Variants in GPC5 observed in about 807,000 individuals in gnomAD.
GPC5 encodes the protein glypican-5.
In GPC5, 47 loss-of-function variants were observed where a neutral mutation model predicts 53.9. That is an observed-to-expected ratio of 0.87 (90% CI 0.69 to 1.11). The LOEUF (loss-of-function observed/expected upper bound fraction) is 1.11, where lower values mean the gene tolerates loss of function less well. Ranked by LOEUF, GPC5 falls within the 50% of genes most tolerant of loss-of-function variation. The probability of loss-of-function intolerance (pLI) is 0.00; values close to 1 mark genes in which losing one functional copy is unlikely to be tolerated. For synonymous variants in GPC5, 286 were observed against 263.3 expected, an observed-to-expected ratio of 1.09 and a Z score of -0.84; for missense variants, 748 against 713.1, an observed-to-expected ratio of 1.05 and a Z score of -0.56.
chr13:92,814,033 A>G (rs1253992309), intron 7 of GPC5, among the ~76,000 whole-genome samples: 1 of 152,048 alleles, frequency 6.6e-6, no homozygotes, highest in East Asian at 1.9e-4. Context: ...CAAGACAGAC[A>G]TGTGGATGAA....
At chr13:92,593,870 A>G (rs1365297142) in intron 7 of GPC5, among the ~76,000 whole-genome samples, 1 of 152,230 alleles carries the variant, frequency 6.6e-6, no homozygotes, top group African/African-American at 2.4e-5. Flanking sequence ...GTCTGATTGG[A>G]GAGGATTAAA....
chr13:92,153,582 A>T (rs574513332), intron 7 of GPC5, among the ~76,000 whole-genome samples: 1 of 152,340 alleles, frequency 6.6e-6, no homozygotes, highest in Admixed American at 6.5e-5. Context: ...ACCATCTGGA[A>T]AGTATCTCTT....
intron 2 of GPC5, among the ~76,000 whole-genome samples, chr13:91,590,739 C>T (rs1232677980): frequency 6.6e-6 from 1 of 152,218 alleles, no homozygotes; most frequent in Non-Finnish European, 1.5e-5. Context: ...GAACTTACTA[C>T]TTCTTTCCCT....
At chr13:92,799,837 A>C (rs887706158) in intron 7 of GPC5, among the ~76,000 whole-genome samples, 17 of 151,774 alleles carry the variant, frequency 1.1e-4, no homozygotes, top group African/African-American at 3.9e-4. Context: ...ATAAATGTGC[A>C]TCCAAATAAT....
chr13:91,448,786 C>T lies in GPC5; in HGVS notation c.189C>T (p.Ser63=). Residue 63 remains serine (S), a synonymous_variant, in exon 2 of 8, where the codon TCC becomes TCT. Transcript: ENST00000377067. ...GACCTGATCTTCAGGTTTGCATATC[C>T]AAAAAGCCTACATGTTGCACCAGGA... The part of the protein sequence containing the change: ...RAGPDLQVCI[S]KKPTCCTRKM... 2 of 1,613,096 alleles carry T rather than the reference C, an allele frequency of 1.2e-6. No individual in the cohort carries two copies. The highest frequency in any genetic ancestry group is 1.1e-5 in the South Asian group (1 of 90,912).
intron 7 of GPC5, among the ~76,000 whole-genome samples, 169 bp from the exon 8 acceptor site, chr13:92,866,113 C>G (rs1379481359): frequency 6.6e-6 from 1 of 152,154 alleles, no homozygotes; most frequent in African/African-American, 2.4e-5. Flanking sequence ...ACTCTCCAAT[C>G]TAAGTAGGAC....
At chr13:92,623,745 A>C (rs1350177538) in intron 7 of GPC5, among the ~76,000 whole-genome samples, 1 of 151,958 alleles carries the variant, frequency 6.6e-6, no homozygotes, top group Non-Finnish European at 1.5e-5. Context: ...ATAGTTTTCA[A>C]ATTAAAAAAA....
At chr13:92,209,810 G>A (rs61967888) in intron 7 of GPC5, among the ~76,000 whole-genome samples, 1,617 of 152,170 alleles carry the variant, frequency 0.011, 23 homozygotes, top group Middle Eastern at 0.017. Flanking sequence ...ATATATAAAG[G>A]GGAGTTTATT....
At chr13:91,697,848 C>T (rs2035912088) in intron 3 of GPC5, among the ~76,000 whole-genome samples, 2 of 151,106 alleles carry the variant, frequency 1.3e-5, no homozygotes, top group Admixed American at 1.3e-4. Flanking sequence ...CAAATGTTAC[C>T]AGGAAACACA....
intron 6 of GPC5, among the ~76,000 whole-genome samples, chr13:92,031,792 T>TTATATATAATATATAATATATTACA (rs1484312799): frequency 1.7e-4 from 18 of 105,678 alleles, no homozygotes; most frequent in African/African-American, 7.4e-4. Flanking sequence ...ATATTACATA[T>TTATATATAATATATAATATATTACA]TATATATAAT....
intron 2 of GPC5, among the ~76,000 whole-genome samples, chr13:91,592,313 T>G (rs2032829317): frequency 6.6e-6 from 1 of 152,178 alleles, no homozygotes. Flanking sequence ...TAATTCCTTG[T>G]GTGTACAGTC....
chr13:91,714,539 T>C (rs1042942741), intron 3 of GPC5, among the ~76,000 whole-genome samples: 11 of 152,206 alleles, frequency 7.2e-5, no homozygotes, highest in African/African-American at 2.4e-5. Context: ...AAATATACTA[T>C]CTTTATGTTT....
Position 91,571,823 on chromosome 13 carries a change from A to ATATACACACATATACGTGTGTG in GPC5, c.326-121360_326-121359insCACACATATACGTGTGTGTATA, listed in dbSNP as rs1555325816. Among the ~76,000 whole-genome samples the ATATACACACATATACGTGTGTG allele has an allele frequency of 5.8e-5, 4 of 68,750 alleles. 1 individual carries two copies. The highest frequency in any genetic ancestry group is 3.9e-4 in the African/African-American group (4 of 10,212). The allele number at this position is 68,750 out of a possible 152,430, so 45.1% of individuals were successfully genotyped here. On this transcript the variant is annotated intron_variant, in intron 2 of 7. Transcript: ENST00000377067. Reference sequence around the variant, plus strand: ...TATATACACACACATACGTGTGTGTATATATACACATATACTTGTGTGTAT... The same window carrying ATATACACACATATACGTGTGTG: ...TATATACACACACATACGTGTGTGTATATACACACATATACGTGTGTGTATATACACATATACTTGTGTGTAT...
chr13:91,539,406 A>G (rs769203979), intron 2 of GPC5, among the ~76,000 whole-genome samples: 2 of 152,208 alleles, frequency 1.3e-5, no homozygotes, highest in Non-Finnish European at 2.9e-5. Context: ...CCTCTCAATG[A>G]AACTTTAGTC....
intron 7 of GPC5, among the ~76,000 whole-genome samples, chr13:92,443,090 C>G (rs903258808): frequency 2.0e-5 from 3 of 152,062 alleles, no homozygotes; most frequent in East Asian, 1.9e-4. Context: ...TCTGGTGAGG[C>G]CTCAAGAAGC....
chr13:92,710,350 C>T (rs1487342775), intron 7 of GPC5, among the ~76,000 whole-genome samples: 1 of 151,846 alleles, frequency 6.6e-6, no homozygotes, highest in Non-Finnish European at 1.5e-5. Flanking sequence ...AATTTACCAT[C>T]CTAATGTGAC....
chr13:92,256,286 T>C (rs2042726050), intron 7 of GPC5, among the ~76,000 whole-genome samples: 1 of 152,036 alleles, frequency 6.6e-6, no homozygotes, highest in Non-Finnish European at 1.5e-5. Flanking sequence ...ATATAACTTA[T>C]TGTATATACA....
chr13:91,798,204 G>A (rs1252926561), intron 5 of GPC5, among the ~76,000 whole-genome samples: 1 of 152,046 alleles, frequency 6.6e-6, no homozygotes, highest in African/African-American at 2.4e-5. Context: ...TTTAAGTTCT[G>A]GGGCACATGT....
chr13:91,510,752 G>T (rs2139330462), intron 2 of GPC5, among the ~76,000 whole-genome samples: 1 of 151,894 alleles, frequency 6.6e-6, no homozygotes, highest in Non-Finnish European at 1.5e-5. Flanking sequence ...ACTATTTTTA[G>T]ATTTTTGCTA....
Sources: allele counts gnomAD v4.1 joint callset (sites outside exome capture counted in the v4.1 genomes callset), GRCh38; gene constraint gnomAD v4.1.1; transcripts MANE v1.5; gene names NCBI Gene and HGNC (gene_info 2026-07-23, HGNC 2026-07-21).